DGKB: variants seen among roughly 807,000 people sequenced by gnomAD.
DGKB encodes the protein diacylglycerol kinase beta, also known as 90 kDa diacylglycerol kinase.
Under a neutral mutation model 114.3 loss-of-function variants are expected in DGKB, and 67 were observed. The observed-to-expected ratio is 0.59, with a 90% CI of 0.48 to 0.72. The LOEUF is 0.72. Among genes scored for constraint, DGKB ranks in the 30% least tolerant of loss-of-function variants. DGKB has a pLI of 0.00. For synonymous variants in DGKB, 398 were observed against 323.1 expected (o/e 1.23, Z -2.49); for missense variants, 907 against 975.2 (o/e 0.93, Z 0.93).
chr7:14,820,369 C>T (rs1196438879), intron 2 of DGKB, among the ~76,000 whole-genome samples: 1 of 152,088 alleles, frequency 6.6e-6, no homozygotes, highest in Non-Finnish European at 1.5e-5. Flanking sequence ...ATTGCTTGTG[C>T]CATAGTGTAT....
At chr7:14,582,271 A>C (rs891015378) in intron 18 of DGKB, among the ~76,000 whole-genome samples, 4 of 152,212 alleles carry the variant, frequency 2.6e-5, no homozygotes, top group Non-Finnish European at 5.9e-5. Flanking sequence ...TTTTCTAACT[A>C]GTAACCAGTT....
chr7:14,945,612 C>G (rs1785828813), intron 1 of DGKB, among the ~76,000 whole-genome samples: 1 of 151,660 alleles, frequency 6.6e-6, no homozygotes, highest in Admixed American at 6.6e-5. Context: ...CGCACAAGTA[C>G]AAGACTGCAC....
chr7:14,150,986 A>AC (rs2128211499), intron 25 of DGKB, among the ~76,000 whole-genome samples: 1 of 152,232 alleles, frequency 6.6e-6, no homozygotes, highest in African/African-American at 2.4e-5. Context: ...GATAAATTGA[A>AC]CAAGCACATT....
At chr7:14,839,832 T>G (rs2128135886) in intron 2 of DGKB, among the ~76,000 whole-genome samples, 1 of 152,254 alleles carries the variant, frequency 6.6e-6, no homozygotes, top group South Asian at 2.1e-4. Context: ...TAGACTTTTT[T>G]TAGTTTTTTA....
At chr7:14,749,697 G>T (rs1414853867) in intron 4 of DGKB, among the ~76,000 whole-genome samples, 1 of 151,968 alleles carries the variant, frequency 6.6e-6, no homozygotes, top group Admixed American at 6.6e-5. Context: ...TTTTGGTGTT[G>T]TCACTAGGAC....
chr7:14,482,893 C>T (rs1368064887), intron 20 of DGKB, among the ~76,000 whole-genome samples: 1 of 130,562 alleles, frequency 7.7e-6, no homozygotes, highest in Non-Finnish European at 1.6e-5. Context: ...ATATTGATAT[C>T]TGTAGTGCTG....
chr7:14,862,205 T>A (rs1851079897), intron 1 of DGKB, among the ~76,000 whole-genome samples: 1 of 152,046 alleles, frequency 6.6e-6, no homozygotes, highest in South Asian at 2.1e-4. Context: ...AGGAGATGAT[T>A]TGATATGCAT....
At chr7:14,213,640 C>G (rs374542463) in intron 23 of DGKB, among the ~76,000 whole-genome samples, 103 of 152,248 alleles carry the variant, frequency 6.8e-4, no homozygotes, top group African/African-American at 2.3e-3. Context: ...TACCTGGCCC[C>G]CTTAGTGTCA....
At chr7:14,385,537 G>T (rs965566613) in intron 21 of DGKB, among the ~76,000 whole-genome samples, 6 of 152,138 alleles carry the variant, frequency 3.9e-5, no homozygotes, top group African/African-American at 1.2e-4. Context: ...CTAAGTAAAT[G>T]AATTTGGAGA....
chr7:14,687,133 T>C (rs1821847108), intron 9 of DGKB, among the ~76,000 whole-genome samples: 1 of 152,186 alleles, frequency 6.6e-6, no homozygotes. Context: ...CATGAGATTT[T>C]GGAGGCAAGG....
At chr7:14,393,781 G>A (rs944845028) in intron 21 of DGKB, among the ~76,000 whole-genome samples, 1 of 151,966 alleles carries the variant, frequency 6.6e-6, no homozygotes, top group Non-Finnish European at 1.5e-5. Flanking sequence ...CGATTTCTTT[G>A]TTCTAAATCT....
rs537877312 is a variant in DGKB, at chr7:14,232,197, T to C, written c.2123-54046A>G. 4.9e-4 allele frequency among the ~76,000 whole-genome samples: 75 copies of C among 151,962 alleles called. 2 individuals carry two copies. The South Asian group carries it at 0.015, about 31-fold the overall frequency. On this transcript the variant is annotated intron_variant, in intron 23 of 25. Transcript: ENST00000402815. ...AAGAATTGTAAAAGGCTAAAGGAGA[T>C]TAGACATTCACGCTCCCTAGAATCC...
chr7:14,955,967 T>A (rs878871178), intron 1 of DGKB, among the ~76,000 whole-genome samples: 4 of 152,008 alleles, frequency 2.6e-5, no homozygotes, highest in Admixed American at 2.6e-4. Context: ...ATGAGGTATG[T>A]GTAGCCTGAA....
At chr7:14,971,933 A>C (rs1449245834) in intron 1 of DGKB, among the ~76,000 whole-genome samples, 4 of 152,002 alleles carry the variant, frequency 2.6e-5, no homozygotes, top group Non-Finnish European at 5.9e-5. Context: ...TTTAGTAGAG[A>C]TGGGGTTTCA....
chr7:14,880,137 G>T (rs757989438), intron 1 of DGKB, among the ~76,000 whole-genome samples: 3 of 152,096 alleles, frequency 2.0e-5, no homozygotes, highest in Non-Finnish European at 4.4e-5. Flanking sequence ...CCAGCCAGAG[G>T]TAGTGAGTCA....
chr7:14,848,792 C>T (rs547131797), intron 1 of DGKB, among the ~76,000 whole-genome samples: 37 of 152,134 alleles, frequency 2.4e-4, no homozygotes, highest in African/African-American at 7.9e-4. Flanking sequence ...CAATGGAGAC[C>T]CCTTAAATGG....
intron 25 of DGKB, among the ~76,000 whole-genome samples, chr7:14,164,481 A>G (rs1784356936): frequency 6.6e-6 from 1 of 152,258 alleles, no homozygotes; most frequent in African/African-American, 2.4e-5. Context: ...TGGGAGATTC[A>G]AGAGTTATGT....
At chr7:14,939,160 ATTAG>A (rs1785426445) in intron 1 of DGKB, among the ~76,000 whole-genome samples, 1 of 152,140 alleles carries the variant, frequency 6.6e-6, no homozygotes, top group African/African-American at 2.4e-5. Flanking sequence ...TAGGCTTTGC[ATTAG>A]TACTTTGTAC....
chr7:14,741,706 C>G (rs1832607711), intron 4 of DGKB, among the ~76,000 whole-genome samples: 2 of 152,152 alleles, frequency 1.3e-5, no homozygotes, highest in Non-Finnish European at 2.9e-5. Context: ...AAACTGCTTA[C>G]CACCCCTTTG....
Sources: allele counts gnomAD v4.1 joint callset (sites outside exome capture counted in the v4.1 genomes callset), GRCh38; gene constraint gnomAD v4.1.1; transcripts MANE v1.5; gene names NCBI Gene and HGNC (gene_info 2026-07-23, HGNC 2026-07-21).